The following AMD1 variants were observed in gnomAD, a reference collection of about 807,000 sequenced individuals.
AMD1 encodes adenosylmethionine decarboxylase 1.
A neutral mutation model predicts 40.2 loss-of-function variants in AMD1; 11 were observed. The observed-to-expected ratio is 0.27, with a 90% CI of 0.17 to 0.45. The LOEUF (loss-of-function observed/expected upper bound fraction) is 0.45, where lower values mean the gene tolerates loss of function less well. Ranked by LOEUF, AMD1 falls within the 20% of genes least tolerant of loss-of-function variation. The probability of loss-of-function intolerance (pLI) is 1.00; values close to 1 mark genes in which losing one functional copy is unlikely to be tolerated. For missense variants in AMD1, 257 were observed against 410.2 expected, an observed-to-expected ratio of 0.63 and a Z score of 3.23; for synonymous variants, 121 against 130.8, an observed-to-expected ratio of 0.93 and a Z score of 0.51.
chr6:110,826,123 C>T, the AMD1 span, among the ~76,000 whole-genome samples: 2 of 146,136 alleles, frequency 1.4e-5, no homozygotes, highest in African/African-American at 2.6e-5. Flanking sequence ...GCTATGATCA[C>T]ACTACTGCAC....
At chr6:110,892,710 A>C (rs1271988323) in intron 6 of AMD1, 25 bp from the exon 7 acceptor site, 69 of 1,540,948 alleles carry the variant, frequency 4.5e-5, no homozygotes, top group Non-Finnish European at 5.5e-5. Flanking sequence ...AACCCTTGTT[A>C]AACTCGGTCT....
At chr6:110,823,737 G>A in the AMD1 span, among the ~76,000 whole-genome samples, 2 of 151,854 alleles carry the variant, frequency 1.3e-5, no homozygotes, top group Non-Finnish European at 2.9e-5. Flanking sequence ...TTCCCTATTG[G>A]GTTCTTTTCT....
At position 110,885,332 on chromosome 6, in the gene AMD1, C is replaced by A. The variant is rs549916161; in HGVS notation, c.111-2173C>A. Among the ~76,000 whole-genome samples, 6 of 152,276 alleles carry A rather than the reference C, an allele frequency of 3.9e-5. No homozygotes were observed. The South Asian group carries it at 1.0e-3, about 26-fold the overall frequency. On this transcript the variant is annotated intron_variant, in intron 1 of 8. Coordinates refer to ENST00000368885, the MANE Select transcript of AMD1 (RefSeq NM_001634.6). ...TTCACCATGTTGGCCAGGCTGGTCTCAAACTCCTGACCTCAGGTGATCCAT... is the reference window on the plus strand; with the variant it reads ...TTCACCATGTTGGCCAGGCTGGTCTAAAACTCCTGACCTCAGGTGATCCAT...
At chr6:110,875,468 G>C in intron 1 of AMD1, 1 of 422,232 alleles carries the variant, frequency 2.4e-6, no homozygotes, top group Middle Eastern at 6.6e-4. Context: ...AGGCCGGCGC[G>C]GCCGCGTGCT....
the AMD1 span, among the ~76,000 whole-genome samples, chr6:110,867,445 C>T: frequency 6.6e-6 from 1 of 152,088 alleles, no homozygotes; most frequent in Non-Finnish European, 1.5e-5. Flanking sequence ...GGGGGGATCA[C>T]TTGAGGTCAG....
the AMD1 span, among the ~76,000 whole-genome samples, chr6:110,867,717 A>T: frequency 1.3e-5 from 2 of 152,306 alleles, no homozygotes; most frequent in African/African-American, 4.8e-5. Flanking sequence ...AAAGCAGTTA[A>T]AAAAATTTCA....
chr6:110,827,409 C>G, the AMD1 span, among the ~76,000 whole-genome samples: 1 of 151,864 alleles, frequency 6.6e-6, no homozygotes, highest in African/African-American at 2.4e-5. Flanking sequence ...TCCCAAAGTG[C>G]TAAGTTTACA....
At chr6:110,824,996 A>G in the AMD1 span, among the ~76,000 whole-genome samples, 1 of 152,190 alleles carries the variant, frequency 6.6e-6, no homozygotes, top group African/African-American at 2.4e-5. Flanking sequence ...CTGTAAGACT[A>G]TAGAGGGCAA....
At chr6:110,857,655 G>A in the AMD1 span, among the ~76,000 whole-genome samples, 1 of 130,942 alleles carries the variant, frequency 7.6e-6, no homozygotes, top group Non-Finnish European at 1.6e-5. Context: ...ATATATAGAT[G>A]GTATATATAT....
the AMD1 span, among the ~76,000 whole-genome samples, chr6:110,838,742 C>T: frequency 6.6e-6 from 1 of 152,020 alleles, no homozygotes; most frequent in African/African-American, 2.4e-5. Context: ...GCATGTAATC[C>T]GAGCAACTCG....
At chr6:110,829,493 C>A in the AMD1 span, among the ~76,000 whole-genome samples, 21 of 151,624 alleles carry the variant, frequency 1.4e-4, no homozygotes, top group African/African-American at 5.1e-4. Flanking sequence ...TCCTGGCTAA[C>A]ACATCTCTAC....
chr6:110,870,361 A>T (rs1784891882), upstream of AMD1, among the ~76,000 whole-genome samples: 1 of 152,160 alleles, frequency 6.6e-6, no homozygotes, highest in Non-Finnish European at 1.5e-5. Context: ...GTGGTGGCTC[A>T]CACTTGTAAT....
chr6:110,838,292 A>G, the AMD1 span, among the ~76,000 whole-genome samples: 47,418 of 151,224 alleles, frequency 0.31, 8,585 homozygotes, highest in East Asian at 0.67. Context: ...GGGAGGCTGA[A>G]GCAGGAGAAT....
At chr6:110,842,182 G>A in the AMD1 span, among the ~76,000 whole-genome samples, 2 of 152,144 alleles carry the variant, frequency 1.3e-5, no homozygotes, top group African/African-American at 4.8e-5. Flanking sequence ...GAGTGTTCAT[G>A]AGTCTCTCAC....
At chr6:110,892,704 C>T (rs776500563) in intron 6 of AMD1, 31 bp from the exon 7 acceptor site, 60 of 1,572,130 alleles carry the variant, frequency 3.8e-5, no homozygotes, top group Non-Finnish European at 4.9e-5. Context: ...TTGTCAAACC[C>T]TTGTTAAACT....
At chr6:110,855,065 C>CTTTTTTTTTTTTTTTTTT in the AMD1 span, among the ~76,000 whole-genome samples, 25 of 80,464 alleles carry the variant, frequency 3.1e-4, no homozygotes, top group Non-Finnish European at 4.2e-4. Context: ...CTCTCTCTCT[C>CTTTTTTTTTTTTTTTTTT]TTTTTTTTTT....
the AMD1 span, among the ~76,000 whole-genome samples, chr6:110,828,785 T>C: frequency 6.6e-6 from 1 of 152,222 alleles, no homozygotes; most frequent in African/African-American, 2.4e-5. Context: ...TGTTTGCTCA[T>C]GGTCTAAGGT....
At chr6:110,815,051 C>T in the AMD1 span, 1 of 1,606,270 alleles carries the variant, frequency 6.2e-7, no homozygotes, top group Non-Finnish European at 8.5e-7. Context: ...GTAGGTGCCG[C>T]GTCCCACTTT....
At chr6:110,846,554 A>T in the AMD1 span, among the ~76,000 whole-genome samples, 1 of 152,174 alleles carries the variant, frequency 6.6e-6, no homozygotes, top group African/African-American at 2.4e-5. Context: ...ATGTACAGTT[A>T]AATCTTTTTA....
Sources: gnomAD v4.1 joint callset for allele counts (sites outside exome capture counted in the v4.1 genomes callset) on GRCh38, gnomAD v4.1.1 for gene constraint, MANE v1.5 for transcripts, NCBI Gene and HGNC (gene_info 2026-07-23, HGNC 2026-07-21) for gene names.